Variants in ABLIM1 observed in about 807,000 individuals in gnomAD.
The protein encoded by ABLIM1 is actin-binding LIM protein 1.
A neutral mutation model predicts 107.0 loss-of-function variants in ABLIM1; 40 were observed. The observed-to-expected ratio is 0.37, with a 90% CI of 0.29 to 0.49. ABLIM1 has a LOEUF of 0.49. ABLIM1 is among the 20% of genes least tolerant of loss of function. The probability of loss-of-function intolerance (pLI) is 0.97; values close to 1 mark genes in which losing one functional copy is unlikely to be tolerated. For synonymous variants in ABLIM1, 357 were observed against 357.3 expected, an observed-to-expected ratio of 1.00 and a Z score of 0.01; for missense variants, 857 against 1,008.5, an observed-to-expected ratio of 0.85 and a Z score of 2.04.
intron 6 of ABLIM1, among the ~76,000 whole-genome samples, chr10:114,512,855 AGAAGGAAGGAAGGAAGGAAG>A (rs869261400): frequency 9.8e-5 from 5 of 51,258 alleles, no homozygotes; most frequent in African/African-American, 3.3e-4. Flanking sequence ...AAGGAAGGAA[AGAAGGAAGGAAGGAAGGAAG>A]GAAGGAAGGA....
chr10:114,462,204 C>T (rs944177691), intron 12 of ABLIM1, among the ~76,000 whole-genome samples: 2 of 152,160 alleles, frequency 1.3e-5, no homozygotes, highest in Non-Finnish European at 2.9e-5. Context: ...GTTAAGAGTC[C>T]TTTAGGACTG....
intron 1 of ABLIM1, among the ~76,000 whole-genome samples, chr10:114,615,279 C>T (rs1363067025): frequency 6.6e-6 from 1 of 152,162 alleles, no homozygotes; most frequent in Non-Finnish European, 1.5e-5. Flanking sequence ...CTTTCCACAT[C>T]CTCCCAAGCT....
chr10:114,618,085 T>G (rs1403646905), intron 1 of ABLIM1, among the ~76,000 whole-genome samples: 1 of 152,206 alleles, frequency 6.6e-6, no homozygotes, highest in Non-Finnish European at 1.5e-5. Flanking sequence ...ACACTATGCT[T>G]ATATCAACTC....
At chr10:114,613,076 C>T (rs549044879) in intron 1 of ABLIM1, among the ~76,000 whole-genome samples, 29 of 152,288 alleles carry the variant, frequency 1.9e-4, no homozygotes, top group Non-Finnish European at 2.6e-4. Flanking sequence ...GCTGCTTCTA[C>T]TTCCAGGACA....
intron 1 of ABLIM1, among the ~76,000 whole-genome samples, chr10:114,757,148 T>A (rs1487756333): frequency 6.6e-6 from 1 of 152,136 alleles, no homozygotes; most frequent in African/African-American, 2.4e-5. Context: ...ATGCAGAAAA[T>A]TATCCCATAA....
intron 6 of ABLIM1, among the ~76,000 whole-genome samples, chr10:114,536,740 T>C (rs2066084012): frequency 6.6e-6 from 1 of 152,198 alleles, no homozygotes; most frequent in Non-Finnish European, 1.5e-5. Context: ...AGGTGACCAG[T>C]GTCTCAATAC....
At chr10:114,544,921 GT>G (rs756883628) in intron 6 of ABLIM1, 83 bp downstream of exon 6, 22 of 1,237,528 alleles carry the variant, frequency 1.8e-5, no homozygotes, top group Non-Finnish European at 2.6e-5. Context: ...GATGGAGGAG[GT>G]GGGAAAGGGT....
chr10:114,759,490 T>C (rs1481573571), intron 1 of ABLIM1, among the ~76,000 whole-genome samples: 1 of 152,172 alleles, frequency 6.6e-6, no homozygotes, highest in Non-Finnish European at 1.5e-5. Context: ...ATCATGTGAA[T>C]TACCTAAGAA....
At chr10:114,721,381 G>A (rs1438986252) in intron 1 of ABLIM1, among the ~76,000 whole-genome samples, 2 of 152,168 alleles carry the variant, frequency 1.3e-5, no homozygotes, top group Non-Finnish European at 2.9e-5. Flanking sequence ...TGTCTAAGGA[G>A]GTGCCCAGGT....
intron 6 of ABLIM1, among the ~76,000 whole-genome samples, chr10:114,494,156 G>A (rs1223950293): frequency 6.6e-6 from 1 of 152,196 alleles, no homozygotes; most frequent in Non-Finnish European, 1.5e-5. Context: ...TGAGCCGAAA[G>A]AATGGATTAA....
intron 1 of ABLIM1, among the ~76,000 whole-genome samples, chr10:114,678,194 G>A (rs2080577218): frequency 6.6e-6 from 1 of 150,998 alleles, no homozygotes; most frequent in East Asian, 1.9e-4. Context: ...AAACATGAAC[G>A]TTCTTAGCAA....
intron 4 of ABLIM1, among the ~76,000 whole-genome samples, chr10:114,570,992 C>G (rs1486891397): frequency 6.6e-6 from 1 of 152,172 alleles, no homozygotes. Flanking sequence ...TGTTCAAGGG[C>G]TCCCTTTTCT....
intron 1 of ABLIM1, among the ~76,000 whole-genome samples, chr10:114,643,777 C>T (rs2140970289): frequency 6.6e-6 from 1 of 151,958 alleles, no homozygotes; most frequent in African/African-American, 2.4e-5. Flanking sequence ...AGTCTCACTA[C>T]ATTGCCCAGG....
rs375324001 is a variant in ABLIM1, at chr10:114,652,761, G to A, written c.244+5196C>T. On this transcript the variant is annotated intron_variant, in intron 1 of 22. Coordinates refer to ENST00000533213, the MANE Select transcript of ABLIM1 (RefSeq NM_002313.7). ...TCAAGAAGGTAATCGCCCTAAATAT[G>A]TTCTTTCGTTTGTATGAGACCCAAA... Among the ~76,000 whole-genome samples the A allele has an allele frequency of 3.2e-4, 48 of 152,256 alleles. 2 individuals carry two copies. In the South Asian group the frequency reaches 9.8e-3, roughly 31 times the overall value.
chr10:114,555,733 C>T (rs569884597), intron 4 of ABLIM1, among the ~76,000 whole-genome samples: 2 of 152,138 alleles, frequency 1.3e-5, no homozygotes, highest in East Asian at 3.9e-4. Flanking sequence ...AGAGCATGCC[C>T]TTTACTATAA....
chr10:114,475,491 T>C (rs998329015), intron 8 of ABLIM1, among the ~76,000 whole-genome samples: 1 of 152,222 alleles, frequency 6.6e-6, no homozygotes, highest in Non-Finnish European at 1.5e-5. Flanking sequence ...ATAGAGTTTA[T>C]TTTTTAACCA....
intron 10 of ABLIM1, 148 bp downstream of exon 10, chr10:114,472,829 A>C: frequency 1.5e-6 from 1 of 667,702 alleles, no homozygotes; most frequent in African/African-American, 1.9e-5. Context: ...GCTTCTGAAT[A>C]CCTCAAAGCA....
At chr10:114,530,434 CTTAAACAGATTATA>C (rs1272900342) in intron 6 of ABLIM1, among the ~76,000 whole-genome samples, 2 of 152,098 alleles carry the variant, frequency 1.3e-5, no homozygotes, top group Non-Finnish European at 2.9e-5. Context: ...GGAGTTTATA[CTTAAACAGATTATA>C]TCCAGCTAGA....
At chr10:114,462,033 C>A (rs896230341) in intron 12 of ABLIM1, among the ~76,000 whole-genome samples, 8 of 152,202 alleles carry the variant, frequency 5.3e-5, no homozygotes, top group Admixed American at 3.3e-4. Context: ...AAAATCACTG[C>A]ATACTGATAA....
Sources: allele counts gnomAD v4.1 joint callset (sites outside exome capture counted in the v4.1 genomes callset), GRCh38; gene constraint gnomAD v4.1.1; transcripts MANE v1.5; gene names NCBI Gene and HGNC (gene_info 2026-07-23, HGNC 2026-07-21).